Variants in ATP13A4 observed in about 807,000 individuals in gnomAD.
ATP13A4 encodes the protein probable cation-transporting ATPase 13A4.
Under a neutral mutation model 142.5 loss-of-function variants are expected in ATP13A4, and 114 were observed. The observed-to-expected ratio is 0.80, with a 90% confidence interval of 0.69 to 0.93. The LOEUF is 0.93. Among genes scored for constraint, ATP13A4 ranks in the 40% least tolerant of loss-of-function variants. ATP13A4 has a pLI of 0.00. For synonymous variants in ATP13A4, 488 were observed against 514.8 expected (o/e 0.95, Z 0.70); for missense variants, 1,392 against 1,454.0 (o/e 0.96, Z 0.69).
chr3:193,461,911 G>A (rs754812386), intron 13 of ATP13A4, among the ~76,000 whole-genome samples: 8 of 152,070 alleles, frequency 5.3e-5, no homozygotes, highest in East Asian at 1.9e-4. Flanking sequence ...TGTCAAAACC[G>A]TCTTTTCTTG....
At chr3:193,446,776 T>C (rs1269115448) in intron 18 of ATP13A4, among the ~76,000 whole-genome samples, 1 of 152,176 alleles carries the variant, frequency 6.6e-6, no homozygotes, top group Non-Finnish European at 1.5e-5. Context: ...AAGGCAAACA[T>C]TTCTAAATTT....
rs187963968 is a variant in ATP13A4, at chr3:193,425,430, A to G, written c.2842+8415T>C. Among the ~76,000 whole-genome samples the G allele has an allele frequency of 2.0e-3, 310 of 151,902 alleles. 1 individual carries two copies. The highest frequency in any genetic ancestry group is 3.0e-3 in the Non-Finnish European group (206 of 67,712). On this transcript the variant is annotated intron_variant, in intron 25 of 29. Transcript: ENST00000342695. Reference sequence around the variant, plus strand: ...GCACTCCCGTGTTTATTGAAGCCCTATTCATAATAGCCAAAACATGGAATT... The same window carrying G: ...GCACTCCCGTGTTTATTGAAGCCCTGTTCATAATAGCCAAAACATGGAATT...
intron 2 of ATP13A4, among the ~76,000 whole-genome samples, chr3:193,509,841 A>ATG (rs1721050011): frequency 6.6e-6 from 1 of 152,176 alleles, no homozygotes; most frequent in Non-Finnish European, 1.5e-5. Context: ...AAGAGAAAGC[A>ATG]TGTGTGTGTG....
At chr3:193,517,713 GA>G (rs1164640664) in intron 1 of ATP13A4, among the ~76,000 whole-genome samples, 1 of 151,768 alleles carries the variant, frequency 6.6e-6, no homozygotes, top group Non-Finnish European at 1.5e-5. Flanking sequence ...CTCATCTCCT[GA>G]CCTCGTGATC....
At chr3:193,497,714 T>A (rs1720322312) in intron 3 of ATP13A4, among the ~76,000 whole-genome samples, 1 of 152,114 alleles carries the variant, frequency 6.6e-6, no homozygotes. Context: ...CATGTACATT[T>A]TCTTTGTGGA....
At chr3:193,545,072 A>T (rs902947776) in intron 1 of ATP13A4, among the ~76,000 whole-genome samples, 5 of 152,236 alleles carry the variant, frequency 3.3e-5, no homozygotes, top group African/African-American at 1.2e-4. Flanking sequence ...TCAATGTGAC[A>T]TGTTAAATAT....
At chr3:193,474,322 C>CAAAAAAAAAAAAAA (rs1176133187) in intron 8 of ATP13A4, among the ~76,000 whole-genome samples, 1 of 69,090 alleles carries the variant, frequency 1.4e-5, no homozygotes. Context: ...GACTCCGTCT[C>CAAAAAAAAAAAAAA]AAAAAAAAAA....
chr3:193,435,217 T>G (rs1576957453), intron 24 of ATP13A4, among the ~76,000 whole-genome samples: 1 of 151,656 alleles, frequency 6.6e-6, no homozygotes, highest in Admixed American at 6.6e-5. Flanking sequence ...ATGGTAGGAG[T>G]ATTTACGCCA....
At chr3:193,491,964 G>A (rs1719968727) in intron 5 of ATP13A4, among the ~76,000 whole-genome samples, 1 of 152,148 alleles carries the variant, frequency 6.6e-6, no homozygotes, top group African/African-American at 2.4e-5. Context: ...CTTTGATTAT[G>A]CAGAGGAAAG....
chr3:193,421,603 A>G (rs535070916), intron 25 of ATP13A4, among the ~76,000 whole-genome samples: 2 of 150,116 alleles, frequency 1.3e-5, no homozygotes, highest in South Asian at 2.1e-4. Flanking sequence ...AGTAACTACA[A>G]TACATTGTTA....
chr3:193,480,639 C>T (rs977765481), intron 8 of ATP13A4, among the ~76,000 whole-genome samples: 1 of 151,986 alleles, frequency 6.6e-6, no homozygotes, highest in Non-Finnish European at 1.5e-5. Context: ...GAGATGTTCA[C>T]GAGGATGTGG....
chr3:193,575,019 G>C (rs951153212), intron 2 of ATP13A4, among the ~76,000 whole-genome samples: 1 of 152,150 alleles, frequency 6.6e-6, no homozygotes, highest in Non-Finnish European at 1.5e-5. Context: ...TCCACTTCCT[G>C]TCACTTGGAA....
rs997864584 is a variant in ATP13A4, at chr3:193,413,720, C to A, written c.3014+859G>T. Among the ~76,000 whole-genome samples, 20 of 152,138 alleles carry A rather than the reference C, an allele frequency of 1.3e-4. No homozygotes were observed. The East Asian group carries it at 1.3e-3, about 10-fold the overall frequency. ...AGGCTTATTAGGATGGGGGAAAAAA[C>A]CCCACCCTGGTGAATTTGAGGTCAG... On this transcript the variant is annotated intron_variant, in intron 26 of 29. Transcript: ENST00000342695.
chr3:193,453,683 T>A (rs750941037), intron 17 of ATP13A4, among the ~76,000 whole-genome samples: 1 of 152,156 alleles, frequency 6.6e-6, no homozygotes, highest in Non-Finnish European at 1.5e-5. Context: ...GTATTTCCAA[T>A]CAAAAATTTT....
intron 25 of ATP13A4, among the ~76,000 whole-genome samples, chr3:193,429,580 T>C (rs1715860685): frequency 1.3e-5 from 1 of 74,974 alleles, no homozygotes; most frequent in Non-Finnish European, 3.6e-5. Flanking sequence ...GGGAAATTCA[T>C]AGAGACAAAA....
chr3:193,538,908 T>C (rs1283792233), intron 1 of ATP13A4, among the ~76,000 whole-genome samples: 1 of 150,230 alleles, frequency 6.7e-6, no homozygotes, highest in Non-Finnish European at 1.5e-5. Context: ...TTTTTTTTTT[T>C]TTTGAGATGG....
intron 2 of ATP13A4, among the ~76,000 whole-genome samples, chr3:193,511,784 C>T (rs34839789): frequency 0.12 from 18,269 of 151,546 alleles, 1,355 homozygotes; most frequent in Non-Finnish European, 0.16. Context: ...CTCACACTGC[C>T]CCATTTTACA....
Position 193,547,502 on chromosome 3 carries a change from G to A in ATP13A4, c.60+7238C>T, listed in dbSNP as rs925577295. ...ATCAATATTTGAGAATCATTGGAAA[G>A]GATACTCATTAGAATGCCTTATAAA... On this transcript the variant is annotated intron_variant, in intron 1 of 29. Transcript: ENST00000342695. Among the ~76,000 whole-genome samples, 14 of 152,284 alleles carry A rather than the reference G, an allele frequency of 9.2e-5. No homozygotes were observed. In the East Asian group the frequency reaches 2.7e-3, roughly 29 times the overall value.
intron 3 of ATP13A4, among the ~76,000 whole-genome samples, chr3:193,498,056 A>G (rs985447014): frequency 6.6e-6 from 1 of 152,168 alleles, no homozygotes; most frequent in African/African-American, 2.4e-5. Flanking sequence ...CAAAATAGCT[A>G]GAAGAAAGGA....
Sources: gnomAD v4.1 joint callset for allele counts (sites outside exome capture counted in the v4.1 genomes callset) on GRCh38, gnomAD v4.1.1 for gene constraint, MANE v1.5 for transcripts, NCBI Gene and HGNC (gene_info 2026-07-23, HGNC 2026-07-21) for gene names.